PLEKHM3: variants seen among roughly 807,000 people sequenced by gnomAD.
The protein encoded by PLEKHM3 is pleckstrin homology domain-containing family M member 3.
In PLEKHM3, 45 loss-of-function variants were observed where a neutral mutation model predicts 81.8. The ratio of observed to expected loss-of-function variants is 0.55; its 90% confidence interval spans 0.43 to 0.71. The LOEUF (loss-of-function observed/expected upper bound fraction) is 0.71, where lower values mean the gene tolerates loss of function less well. PLEKHM3 is among the 30% of genes least tolerant of loss of function. The pLI is 0.00. For missense variants in PLEKHM3, 788 were observed against 924.3 expected, an observed-to-expected ratio of 0.85 and a Z score of 1.91; for synonymous variants, 352 against 356.4, an observed-to-expected ratio of 0.99 and a Z score of 0.14.
chr2:207,969,917 C>G (rs1691053085), intron 3 of PLEKHM3, among the ~76,000 whole-genome samples: 1 of 152,072 alleles, frequency 6.6e-6, no homozygotes, highest in Non-Finnish European at 1.5e-5. Flanking sequence ...AAGATAAAAT[C>G]TTAGTGCAAA....
chr2:207,910,804 G>A (rs916281497), intron 5 of PLEKHM3, among the ~76,000 whole-genome samples: 3 of 152,164 alleles, frequency 2.0e-5, no homozygotes, highest in Non-Finnish European at 4.4e-5. Flanking sequence ...ACTACAGACA[G>A]GTGACAAGGC....
intron 5 of PLEKHM3, among the ~76,000 whole-genome samples, chr2:207,923,834 T>A (rs971481447): frequency 2.3e-5 from 3 of 129,840 alleles, no homozygotes; most frequent in Non-Finnish European, 4.8e-5. Flanking sequence ...TATACATACA[T>A]ATACATACAT....
intron 1 of PLEKHM3, among the ~76,000 whole-genome samples, chr2:208,002,187 T>C (rs927741449): frequency 2.6e-5 from 4 of 152,210 alleles, no homozygotes; most frequent in Non-Finnish European, 2.9e-5. Context: ...TTAAAGTCAA[T>C]AGCTTTTACT....
At chr2:207,920,415 T>C (rs1288820775) in intron 5 of PLEKHM3, among the ~76,000 whole-genome samples, 1 of 152,110 alleles carries the variant, frequency 6.6e-6, no homozygotes, top group East Asian at 1.9e-4. Context: ...TTTTTGATGA[T>C]TGAGAATGGG....
intron 2 of PLEKHM3, among the ~76,000 whole-genome samples, chr2:207,983,495 C>A (rs1691612663): frequency 6.6e-6 from 1 of 151,978 alleles, no homozygotes; most frequent in African/African-American, 2.4e-5. Context: ...AGAGTATCAC[C>A]ATTTCCCCAA....
intron 6 of PLEKHM3, among the ~76,000 whole-genome samples, chr2:207,863,593 C>A (rs774286976): frequency 3.3e-5 from 5 of 152,208 alleles, no homozygotes; most frequent in Non-Finnish European, 5.9e-5. Context: ...GGGTTGCCAC[C>A]CGGCGTGCTG....
chr2:208,001,744 C>G lies in PLEKHM3; in HGVS notation c.-105G>C. The G allele has an allele frequency of 6.7e-7, 1 of 1,498,534 alleles. No individual in the cohort carries two copies. Among genetic ancestry groups the G allele is most frequent in the East Asian group, 2.3e-5 (1 of 44,084 alleles). The allele number at this position is 1,498,534 out of a possible 1,614,324, so 92.8% of individuals were successfully genotyped here. A position where few individuals can be genotyped will look rare whatever the true frequency, so the allele number is the denominator to read the frequency against. On this transcript the variant is annotated 5_prime_UTR_variant, in exon 2 of 8. Transcript: ENST00000427836. Reference sequence around the variant, plus strand: ...TGCTTCAGCAATAGAGCTATGGAAACAACTGGAAGAAACCTTCATTGGGCT... The same window carrying G: ...TGCTTCAGCAATAGAGCTATGGAAAGAACTGGAAGAAACCTTCATTGGGCT...
chr2:207,984,468 C>A (rs1691648815), intron 2 of PLEKHM3, among the ~76,000 whole-genome samples: 1 of 152,048 alleles, frequency 6.6e-6, no homozygotes, highest in South Asian at 2.1e-4. Flanking sequence ...GCAACCTCCA[C>A]CTCCCAGGTT....
At chr2:207,897,433 TCAGG>T (rs1688262399) in intron 6 of PLEKHM3, among the ~76,000 whole-genome samples, 1 of 152,192 alleles carries the variant, frequency 6.6e-6, no homozygotes, top group Non-Finnish European at 1.5e-5. Context: ...CCCTTAAGTG[TCAGG>T]CAAAGTTCTA....
intron 5 of PLEKHM3, among the ~76,000 whole-genome samples, chr2:207,913,375 A>G (rs1688873701): frequency 2.0e-5 from 3 of 152,162 alleles, no homozygotes; most frequent in Non-Finnish European, 4.4e-5. Flanking sequence ...AGGAGTAGAT[A>G]AACAGAAAGA....
intron 2 of PLEKHM3, among the ~76,000 whole-genome samples, chr2:207,984,829 C>T (rs1691662594): frequency 6.6e-6 from 1 of 152,046 alleles, no homozygotes; most frequent in African/African-American, 2.4e-5. Flanking sequence ...TTCATTTATC[C>T]TGTAGAATTT....
chr2:207,984,021 C>T (rs1189356331), intron 2 of PLEKHM3, among the ~76,000 whole-genome samples: 3 of 152,178 alleles, frequency 2.0e-5, no homozygotes, highest in Non-Finnish European at 2.9e-5. Flanking sequence ...ACAGTAAAGT[C>T]CATACTCCTT....
At chr2:207,868,019 G>A (rs543914195) in intron 6 of PLEKHM3, among the ~76,000 whole-genome samples, 33 of 152,246 alleles carry the variant, frequency 2.2e-4, no homozygotes, top group African/African-American at 6.7e-4. Context: ...AGTCAAATGA[G>A]GCATCCTGGC....
intron 5 of PLEKHM3, among the ~76,000 whole-genome samples, chr2:207,922,902 C>T (rs1413668632): frequency 6.6e-6 from 1 of 151,970 alleles, no homozygotes; most frequent in Non-Finnish European, 1.5e-5. Context: ...AAGGGATCAG[C>T]TACTGAGGAC....
chr2:207,915,687 G>A (rs887995798), intron 5 of PLEKHM3, among the ~76,000 whole-genome samples: 5 of 152,136 alleles, frequency 3.3e-5, no homozygotes, highest in Non-Finnish European at 7.4e-5. Flanking sequence ...TAAAATGATA[G>A]CACAACACCA....
chr2:207,961,583 T>C (rs1446855073), intron 3 of PLEKHM3, among the ~76,000 whole-genome samples: 9 of 152,202 alleles, frequency 5.9e-5, no homozygotes, highest in African/African-American at 1.9e-4. Flanking sequence ...TTTATATCCA[T>C]TTAAGAAAGA....
chr2:207,954,892 T>C (rs963270233), intron 3 of PLEKHM3, among the ~76,000 whole-genome samples: 11 of 152,214 alleles, frequency 7.2e-5, no homozygotes, highest in African/African-American at 2.7e-4. Flanking sequence ...ATAAATCGTG[T>C]GAAATAAATT....
intron 3 of PLEKHM3, among the ~76,000 whole-genome samples, chr2:207,946,920 A>T (rs544099907): frequency 6.6e-6 from 1 of 152,212 alleles, no homozygotes; most frequent in Non-Finnish European, 1.5e-5. Flanking sequence ...TCTATGAGGA[A>T]GATATTATTA....
intron 5 of PLEKHM3, among the ~76,000 whole-genome samples, chr2:207,917,090 A>G (rs1022434900): frequency 2.6e-5 from 4 of 152,234 alleles, no homozygotes; most frequent in Non-Finnish European, 5.9e-5. Flanking sequence ...CCACACTTTT[A>G]GAAGTCATCT....
Sources: allele counts gnomAD v4.1 joint callset (sites outside exome capture counted in the v4.1 genomes callset), GRCh38; gene constraint gnomAD v4.1.1; transcripts MANE v1.5; gene names NCBI Gene and HGNC (gene_info 2026-07-23, HGNC 2026-07-21).